DAB1: variants seen among roughly 807,000 people sequenced by gnomAD.
DAB1 encodes the protein disabled homolog 1.
A neutral mutation model predicts 64.6 loss-of-function variants in DAB1; 15 were observed. The ratio of observed to expected loss-of-function variants is 0.23; its 90% CI spans 0.16 to 0.36. The LOEUF is 0.36. DAB1 is among the 10% of genes least tolerant of loss of function. DAB1 has a pLI of 1.00. For synonymous variants in DAB1, 235 were observed against 251.9 expected (o/e 0.93, Z 0.64); for missense variants, 596 against 706.7 (o/e 0.84, Z 1.78).
At chr1:58,385,889 C>T (rs987929891) in intron 3 of DAB1, among the ~76,000 whole-genome samples, 1 of 152,122 alleles carries the variant, frequency 6.6e-6, no homozygotes, top group Non-Finnish European at 1.5e-5. Context: ...AGCGAGGATT[C>T]CTCGTATGCC....
intron 5 of DAB1, among the ~76,000 whole-genome samples, chr1:58,017,196 T>C (rs1333328776): frequency 6.6e-6 from 1 of 151,906 alleles, no homozygotes; most frequent in African/African-American, 2.4e-5. Context: ...ACTAGATCAA[T>C]CAGTTCGCAG....
chr1:58,400,669 G>A (rs909138685), intron 3 of DAB1, among the ~76,000 whole-genome samples: 4 of 151,996 alleles, frequency 2.6e-5, no homozygotes, highest in African/African-American at 4.8e-5. Context: ...ACTCTTAACC[G>A]TTACACAAAA....
Position 57,106,260 on chromosome 1 carries a change from C to CG in DAB1, c.306+30282_306+30283insC, listed in dbSNP as rs967575178. Among the ~76,000 whole-genome samples, 50 of 150,828 alleles carry CG rather than the reference C, an allele frequency of 3.3e-4. 1 individual carries two copies. The South Asian group carries it at 7.3e-3, about 22-fold the overall frequency. ...CCTGTTCATTTATCCCCCTAACACC[C>CG]CCCCCCATCAGTATTATCTCTGCAT... On this transcript the variant is annotated intron_variant, in intron 4 of 14. Coordinates refer to ENST00000371236, the MANE Select transcript of DAB1 (RefSeq NM_001365792.1).
At chr1:58,350,319 T>C (rs1379311163) in intron 3 of DAB1, among the ~76,000 whole-genome samples, 1 of 152,240 alleles carries the variant, frequency 6.6e-6, no homozygotes, top group Non-Finnish European at 1.5e-5. Context: ...TTTTCTCTTG[T>C]AAATTTGTTT....
chr1:57,939,621 T>C (rs1223777277), intron 5 of DAB1, among the ~76,000 whole-genome samples: 1 of 152,204 alleles, frequency 6.6e-6, no homozygotes, highest in African/African-American at 2.4e-5. Context: ...ACAATCCAAG[T>C]TGGGGGAGGC....
chr1:57,780,875 C>T (rs1446627103), intron 6 of DAB1, among the ~76,000 whole-genome samples: 2 of 151,146 alleles, frequency 1.3e-5, no homozygotes, highest in Non-Finnish European at 3.0e-5. Flanking sequence ...TCCATGCACC[C>T]TCCACCATGC....
At chr1:57,380,152 A>T (rs1681249217) in intron 1 of DAB1, among the ~76,000 whole-genome samples, 1 of 152,070 alleles carries the variant, frequency 6.6e-6, no homozygotes, top group South Asian at 2.1e-4. Flanking sequence ...TCCCACAACA[A>T]CCCTCTGAAG....
intron 4 of DAB1, among the ~76,000 whole-genome samples, chr1:58,245,714 C>G (rs548789975): frequency 6.6e-6 from 1 of 152,182 alleles, no homozygotes; most frequent in Admixed American, 6.5e-5. Flanking sequence ...GATTACAACA[C>G]CAGTCACATC....
intron 4 of DAB1, among the ~76,000 whole-genome samples, chr1:58,326,397 C>T (rs1662825615): frequency 6.6e-6 from 1 of 152,086 alleles, no homozygotes; most frequent in Admixed American, 6.5e-5. Context: ...ATCCTCTCGG[C>T]CAGAGCTCAA....
At chr1:57,414,601 C>T (rs183280728) in intron 1 of DAB1, among the ~76,000 whole-genome samples, 58 of 152,244 alleles carry the variant, frequency 3.8e-4, no homozygotes, top group African/African-American at 1.4e-3. Context: ...GCCGTATCTC[C>T]CATGGATGCC....
chr1:58,505,021 C>A (rs1458670383), intron 3 of DAB1, among the ~76,000 whole-genome samples: 1 of 152,012 alleles, frequency 6.6e-6, no homozygotes, highest in Admixed American at 6.6e-5. Flanking sequence ...GGCACGATCT[C>A]GGCTCACTAC....
chr1:57,760,869 A>G (rs568058840), intron 6 of DAB1, among the ~76,000 whole-genome samples: 13 of 152,306 alleles, frequency 8.5e-5, no homozygotes, highest in Non-Finnish European at 1.8e-4. Context: ...TGCTCACACC[A>G]CATCAGCTAG....
chr1:57,473,687 G>A (rs17115852), intron 7 of DAB1, among the ~76,000 whole-genome samples: 11,063 of 152,116 alleles, frequency 0.073, 529 homozygotes, highest in South Asian at 0.19. Context: ...CTGGCATCTA[G>A]AGCTGCTCAA....
At chr1:57,431,117 C>G (rs1274017592) in intron 7 of DAB1, among the ~76,000 whole-genome samples, 3 of 63,814 alleles carry the variant, frequency 4.7e-5, no homozygotes, top group African/African-American at 2.1e-4. Context: ...CCAGGTGAAG[C>G]AAGAAAAAGT....
At chr1:57,454,251 A>G (rs1686497407) in intron 7 of DAB1, among the ~76,000 whole-genome samples, 1 of 152,170 alleles carries the variant, frequency 6.6e-6, no homozygotes, top group Non-Finnish European at 1.5e-5. Flanking sequence ...CATGGAATCA[A>G]CCTAACTGCC....
chr1:58,101,045 G>C (rs111677943), intron 5 of DAB1, among the ~76,000 whole-genome samples: 2 of 152,270 alleles, frequency 1.3e-5, no homozygotes, highest in Non-Finnish European at 2.9e-5. Flanking sequence ...AGCCGGGCGC[G>C]GTGGCTCACA....
intron 6 of DAB1, among the ~76,000 whole-genome samples, chr1:57,693,537 G>A (rs1212497090): frequency 6.6e-6 from 1 of 152,186 alleles, no homozygotes; most frequent in Non-Finnish European, 1.5e-5. Flanking sequence ...CAGGATGTGG[G>A]TGGGGCCAAA....
chr1:57,384,537 G>T (rs1409569978), intron 1 of DAB1, among the ~76,000 whole-genome samples: 1 of 152,168 alleles, frequency 6.6e-6, no homozygotes, highest in East Asian at 1.9e-4. Flanking sequence ...CAGATGAATG[G>T]ATAAACCAAG....
intron 5 of DAB1, among the ~76,000 whole-genome samples, chr1:57,973,675 T>C (rs1172002978): frequency 6.6e-6 from 1 of 152,156 alleles, no homozygotes; most frequent in Admixed American, 6.5e-5. Context: ...GAAACCTGAA[T>C]AAAGAGTCCT....
Sources: gnomAD v4.1 joint callset for allele counts (sites outside exome capture counted in the v4.1 genomes callset) on GRCh38, gnomAD v4.1.1 for gene constraint, MANE v1.5 for transcripts, NCBI Gene and HGNC (gene_info 2026-07-23, HGNC 2026-07-21) for gene names.